PLG: variants seen among roughly 807,000 people sequenced by gnomAD.
PLG encodes the protein plasminogen.
Under a neutral mutation model 104.4 loss-of-function variants are expected in PLG, and 41 were observed. That is an observed-to-expected ratio of 0.39 (90% CI 0.31 to 0.51). The LOEUF (loss-of-function observed/expected upper bound fraction) is 0.51, where lower values mean the gene tolerates loss of function less well. Ranked by LOEUF, PLG falls within the 20% of genes least tolerant of loss-of-function variation. The probability of loss-of-function intolerance (pLI) is 0.76; values close to 1 mark genes in which losing one functional copy is unlikely to be tolerated. For missense variants in PLG, 891 were observed against 1,003.6 expected, an observed-to-expected ratio of 0.89 and a Z score of 1.52; for synonymous variants, 337 against 357.1, an observed-to-expected ratio of 0.94 and a Z score of 0.63.
At position 160,739,266 on chromosome 6, in the gene PLG, G is replaced by C. The variant is rs909589197; in HGVS notation, c.2018+58G>C. 36 of 1,610,562 alleles carry C rather than the reference G, an allele frequency of 2.2e-5. No individual in the cohort carries two copies. The highest frequency in any genetic ancestry group is 2.8e-5 in the Non-Finnish European group (33 of 1,177,154). Reference sequence around the variant, plus strand: ...TGGTGAAGATATTTGCTTTATGTCTGGGTTTTATGGGCCATGGCCACTGCA... The same window carrying C: ...TGGTGAAGATATTTGCTTTATGTCTCGGTTTTATGGGCCATGGCCACTGCA... On this transcript the variant is annotated intron_variant, in intron 16 of 18. Coordinates refer to ENST00000308192, the MANE Select transcript of PLG (RefSeq NM_000301.5). This position sits in a 1 kb window ranked among gnomAD's most constrained non-coding sequence, Gnocchi z 4.4.
chr6:160,732,423 C>T lies in PLG; in HGVS notation c.1587+530C>T, dbSNP rs1248558150. Among the ~76,000 whole-genome samples the T allele has an allele frequency of 6.6e-6, 1 of 152,164 alleles. No individual in the cohort carries two copies. The highest frequency in any genetic ancestry group is 1.5e-5 in the Non-Finnish European group (1 of 68,034). ...CACCCATGCAGCATAACACTTCTCA[C>T]ACCAGATGTGGGGGGATTTCTCCTC... On this transcript the variant is annotated intron_variant, in intron 12 of 18. Coordinates refer to ENST00000308192, the MANE Select transcript of PLG (RefSeq NM_000301.5). The surrounding 1 kb of genome is among the most constrained non-coding windows in gnomAD (Gnocchi z 4.5).
rs1413978174 is a variant in PLG at position 160,744,030 on chromosome 6, G to A, written c.2125+2613G>A. On this transcript the variant is annotated intron_variant, in intron 17 of 18. Coordinates refer to ENST00000308192, the MANE Select transcript of PLG (RefSeq NM_000301.5). This position sits in a 1 kb window ranked among gnomAD's most constrained non-coding sequence, Gnocchi z 4.5. ...AAGCCTACTTGATCACGATGGATTG[G>A]CTTTTTTATGTGCTGCTGGATTTGG... Among the ~76,000 whole-genome samples the A allele has an allele frequency of 6.6e-6, 1 of 152,178 alleles. No individual in the cohort carries two copies. The highest frequency in any genetic ancestry group is 1.5e-5 in the Non-Finnish European group (1 of 68,020).
At chr6:160,711,906 T>A in intron 4 of PLG, 1 of 1,348,850 alleles carries the variant, frequency 7.4e-7, no homozygotes, top group South Asian at 1.6e-5. Context: ...AACTTGCCTA[T>A]TATTTATTTT....
intron 4 of PLG, 91 bp downstream of exon 4, chr6:160,711,282 C>T (rs1203864304): frequency 1.7e-6 from 2 of 1,181,590 alleles, no homozygotes; most frequent in South Asian, 1.3e-5. Context: ...CCTGTGGCTA[C>T]CAAAATCCAT....
At position 160,753,271 on chromosome 6, in the gene PLG, C is replaced by G. The variant is rs1778439650; in HGVS notation, c.*210C>G. ...CTATGACATTTGTTAAAAATAAACT[C>G]TGTACTTAACTTTGATTTGAGTAAA... On this transcript the variant is annotated 3_prime_UTR_variant, in exon 19 of 19. Transcript: ENST00000308192. This position sits in a 1 kb window ranked among gnomAD's most constrained non-coding sequence, Gnocchi z 5.4. 7.0e-6 allele frequency: 4 copies of G among 571,836 alleles called. No homozygotes were observed. The highest frequency in any genetic ancestry group is 6.3e-6 in the Non-Finnish European group (2 of 318,702). The allele number at this position is 571,836 out of a possible 1,614,324, so 35.4% of individuals were successfully genotyped here. A position where few individuals can be genotyped will look rare whatever the true frequency, so the allele number is the denominator to read the frequency against.
Position 160,741,618 on chromosome 6 carries a change from G to GTC in PLG, c.2125+217_2125+218dup, listed in dbSNP as rs4252172. On this transcript the variant is annotated intron_variant, in intron 17 of 18. Transcript: ENST00000308192. This position sits in a 1 kb window ranked among gnomAD's most constrained non-coding sequence, Gnocchi z 4.7. ...AAAGGGAGGAAAACTGTGTCTTTGAGTCTCTCTCTCTCTCTCTGTTTTCAG... is the reference window on the plus strand; with the variant it reads ...AAAGGGAGGAAAACTGTGTCTTTGAGTCTCTCTCTCTCTCTCTCTGTTTTCAG... Among the ~76,000 whole-genome samples, 26 of 150,636 alleles carry GTC rather than the reference G, an allele frequency of 1.7e-4. No individual in the cohort carries two copies. Among genetic ancestry groups the GTC allele is most frequent in the South Asian group, 1.0e-3 (5 of 4,780 alleles).
rs1778202279 is a variant in PLG at position 160,741,890 on chromosome 6, C to A, written c.2125+473C>A. Among the ~76,000 whole-genome samples, 1 of 152,168 alleles carries A rather than the reference C, an allele frequency of 6.6e-6. No individual in the cohort carries two copies. Among genetic ancestry groups the A allele is most frequent in the Admixed American group, 6.5e-5 (1 of 15,278 alleles). ...ATGAGTTCTCATCACTTAGCTCCCA[C>A]TTATAACTGTGAACATGTGGTATTT... On this transcript the variant is annotated intron_variant, in intron 17 of 18. Transcript: ENST00000308192. The surrounding 1 kb of genome is among the most constrained non-coding windows in gnomAD (Gnocchi z 4.7).
chr6:160,753,217 C>G lies in PLG; in HGVS notation c.*156C>G, dbSNP rs375006147. Reference sequence around the variant, plus strand: ...CGGCATTTTTTGTGTTATTTTCTGACTGCTGGATTCTGTAGTAAGGTGACA... The same window carrying G: ...CGGCATTTTTTGTGTTATTTTCTGAGTGCTGGATTCTGTAGTAAGGTGACA... On this transcript the variant is annotated 3_prime_UTR_variant, in exon 19 of 19. Transcript: ENST00000308192. The surrounding 1 kb of genome is among the most constrained non-coding windows in gnomAD (Gnocchi z 5.4). The G allele has an allele frequency of 2.4e-5, 15 of 613,198 alleles. No individual in the cohort carries two copies. Among genetic ancestry groups the G allele is most frequent in the African/African-American group, 2.4e-4 (13 of 54,228 alleles). 38.0% of individuals were successfully genotyped at this position (613,198 alleles called of 1,614,324 possible).
intron 17 of PLG, among the ~76,000 whole-genome samples, chr6:160,747,199 G>T (rs1562382815): frequency 6.6e-6 from 1 of 152,180 alleles, no homozygotes; most frequent in East Asian, 1.9e-4. Flanking sequence ...GGGGAGAGGC[G>T]GACAGGTCCC....
upstream of PLG, chr6:160,702,214 T>C (rs1321809586): frequency 7.0e-7 from 1 of 1,428,858 alleles, no homozygotes; most frequent in Non-Finnish European, 9.7e-7. Flanking sequence ...TTAATTTGAC[T>C]ATCTGGTTTG....
chr6:160,718,803 C>A lies in PLG; in HGVS notation c.1061C>A (p.Ser354Tyr). The A allele has an allele frequency of 6.2e-7, 1 of 1,613,822 alleles. No individual in the cohort carries two copies. The highest frequency in any genetic ancestry group is 8.5e-7 in the Non-Finnish European group (1 of 1,179,756). ...TACTGTAAGATACCGTCCTGTGACT[C>A]CTCCCCAGTATCCACGGAACAATTG... ...WEYCKIPSCDSSPVSTEQLAP... is the reference protein window; with the variant it reads ...WEYCKIPSCDYSPVSTEQLAP... The change falls in exon 9 of 19, where the codon TCC (serine) becomes TAC (tyrosine). Residue 354 changes from serine to tyrosine, a missense_variant. Ser to Tyr is a moderately radical substitution (Grantham distance 144). Around this residue, in one of 2 missense-constraint regions of PLG, gnomAD observed 854 missense variants for 932.1 expected, o/e 0.92. Transcript: ENST00000308192.
chr6:160,711,718 A>G, intron 4 of PLG: 1 of 1,608,594 alleles, frequency 6.2e-7, no homozygotes, highest in African/African-American at 1.3e-5. Context: ...TTTAAAAAAA[A>G]TCAATGAAAC....
Position 160,737,697 on chromosome 6 carries a change from G to C in PLG, c.1802+690G>C, listed in dbSNP as rs4252194. 6.6e-6 allele frequency among the ~76,000 whole-genome samples: 1 copy of C among 152,094 alleles called. No homozygotes were observed. Among genetic ancestry groups the C allele is most frequent in the Non-Finnish European group, 1.5e-5 (1 of 68,024 alleles). On this transcript the variant is annotated intron_variant, in intron 14 of 18. Coordinates refer to ENST00000308192, the MANE Select transcript of PLG (RefSeq NM_000301.5). This position sits in a 1 kb window ranked among gnomAD's most constrained non-coding sequence, Gnocchi z 4.7. ...TTGCTTCCTCATCTCACTTCTACAC[G>C]AGGGTGCCTGTGCTCAATTGCTGTT...
rs944391078 is a variant in PLG at position 160,723,028 on chromosome 6, T to G, written c.1256+461T>G. On this transcript the variant is annotated intron_variant, in intron 10 of 18. Transcript: ENST00000308192. This position sits in a 1 kb window ranked among gnomAD's most constrained non-coding sequence, Gnocchi z 4.7. ...ATGAATATATATACACACATATATA[T>G]GTATACATATGTGTGCATATATAAA... 1.3e-5 allele frequency among the ~76,000 whole-genome samples: 2 copies of G among 151,656 alleles called. No homozygotes were observed. Among genetic ancestry groups the G allele is most frequent in the Non-Finnish European group, 2.9e-5 (2 of 67,956 alleles).
intron 7 of PLG, among the ~76,000 whole-genome samples, 199 bp from the exon 8 acceptor site, chr6:160,718,095 C>A (rs529297009): frequency 1.3e-4 from 20 of 152,162 alleles, no homozygotes; most frequent in African/African-American, 4.6e-4. Flanking sequence ...ACTAAAAATA[C>A]AAAAAAATTA....
intron 3 of PLG, among the ~76,000 whole-genome samples, chr6:160,710,831 C>A (rs1281523413): frequency 6.6e-6 from 1 of 152,198 alleles, no homozygotes; most frequent in Admixed American, 6.5e-5. Context: ...CTGCACTGTG[C>A]CCCGTGTGTC....
rs1777791998 is a variant in PLG, at chr6:160,719,101, T to C, written c.1096+263T>C. ...GGGTGGGGTGTTCCCTCAAGGTCAT[T>C]TAGGTGAAGTTGGTTGCTGGTGTTC... is the stretch of plus-strand genomic sequence containing the variant. On this transcript the variant is annotated intron_variant, in intron 9 of 18. Transcript: ENST00000308192. The surrounding 1 kb of genome is among the most constrained non-coding windows in gnomAD (Gnocchi z 4.1). Among the ~76,000 whole-genome samples the C allele has an allele frequency of 6.6e-6, 1 of 152,184 alleles. No individual in the cohort carries two copies. Among genetic ancestry groups the C allele is most frequent in the South Asian group, 2.1e-4 (1 of 4,828 alleles).
intron 5 of PLG, 34 bp from the exon 6 acceptor site, chr6:160,714,760 C>A: frequency 6.2e-7 from 1 of 1,611,636 alleles, no homozygotes; most frequent in African/African-American, 1.3e-5. Flanking sequence ...CAGTTTTCTT[C>A]TTCCTCTCTG....
At position 160,741,521 on chromosome 6, in the gene PLG, T is replaced by A. The variant is rs185249460; in HGVS notation, c.2125+104T>A. The A allele has an allele frequency of 9.4e-4, 757 of 801,666 alleles. 5 individuals carry two copies. The African/African-American group carries it at 0.011, about 12-fold the overall frequency. The allele number at this position is 801,666 out of a possible 1,614,324, so 49.7% of individuals were successfully genotyped here. A position where few individuals can be genotyped will look rare whatever the true frequency, so the allele number is the denominator to read the frequency against. On this transcript the variant is annotated intron_variant, in intron 17 of 18. Transcript: ENST00000308192. This position sits in a 1 kb window ranked among gnomAD's most constrained non-coding sequence, Gnocchi z 4.7. Reference sequence around the variant, plus strand: ...AGCTGTGCAAATTCCTATCCATGAATGTGGTCCACCCCACTCCTGATTTTG... The same window carrying A: ...AGCTGTGCAAATTCCTATCCATGAAAGTGGTCCACCCCACTCCTGATTTTG...
Sources: gnomAD v4.1 joint callset for allele counts (sites outside exome capture counted in the v4.1 genomes callset) on GRCh38, gnomAD v4.1.1 for gene constraint, gnomAD v4.1.1 regional missense constraint, Gnocchi (gnomAD v3.1) non-coding constraint, MANE v1.5 for transcripts, NCBI Gene and HGNC (gene_info 2026-07-23, HGNC 2026-07-21) for gene names.